The following ZNF483 variants were observed in gnomAD, a reference collection of about 807,000 sequenced individuals.
ZNF483 encodes the protein zinc finger protein 483, also known as zinc finger protein HIT-10.
ZNF483 carries 9 observed loss-of-function variants against 28.6 expected under a neutral mutation model. The ratio of observed to expected loss-of-function variants is 0.32; its 90% CI spans 0.19 to 0.55. The LOEUF (loss-of-function observed/expected upper bound fraction) is 0.55, where lower values mean the gene tolerates loss of function less well. Ranked by LOEUF, ZNF483 falls within the 20% of genes least tolerant of loss-of-function variation. The probability of loss-of-function intolerance (pLI) is 0.93; values close to 1 mark genes in which losing one functional copy is unlikely to be tolerated. For synonymous variants in ZNF483, 322 were observed against 306.2 expected (o/e 1.05, Z -0.54); for missense variants, 675 against 871.7 (o/e 0.77, Z 2.84).
At chr9:111,567,757 T>C (rs1393642810) in intron 5 of ZNF483, among the ~76,000 whole-genome samples, 1 of 152,078 alleles carries the variant, frequency 6.6e-6, no homozygotes, top group African/African-American at 2.4e-5. Flanking sequence ...ACATTGGGAA[T>C]TGTCTATAGG....
Position 111,552,057 on chromosome 9 carries a change from T to C in ZNF483, c.*8887T>C, listed in dbSNP as rs1339118227. ...ACCTGTCTAGCCAGGTCACAAGTTTTTCCCATTTTAGGAGCTTCAAATTTA... is the reference window on the plus strand; with the variant it reads ...ACCTGTCTAGCCAGGTCACAAGTTTCTCCCATTTTAGGAGCTTCAAATTTA... On this transcript the variant is annotated 3_prime_UTR_variant, in exon 6 of 6. Coordinates refer to ENST00000309235, the MANE Select transcript of ZNF483 (RefSeq NM_133464.5). 1.3e-5 allele frequency among the ~76,000 whole-genome samples: 2 copies of C among 152,372 alleles called. No homozygotes were observed. Among genetic ancestry groups the C allele is most frequent in the East Asian group, 3.9e-4 (2 of 5,184 alleles).
In ZNF483 at chr9:111,525,193, A is replaced by G. The variant is rs1052631122; in HGVS notation, c.-198A>G. ...GTGGTTCCCGCAGGCTTGCGCGCGC[A>G]CTCGCTGCGGGACAAGCTTCTGGAA... On this transcript the variant is annotated 5_prime_UTR_variant, in exon 1 of 6. Coordinates refer to ENST00000309235, the MANE Select transcript of ZNF483 (RefSeq NM_133464.5). 1.2e-4 allele frequency: 19 copies of G among 152,202 alleles called. No individual in the cohort carries two copies. Among genetic ancestry groups the G allele is most frequent in the Admixed American group, 1.2e-3 (18 of 15,286 alleles). 9.4% of individuals were successfully genotyped at this position (152,202 alleles called of 1,614,324 possible). A position where few individuals can be genotyped will look rare whatever the true frequency, so the allele number is the denominator to read the frequency against.
Position 111,542,323 on chromosome 9 carries a change from GA to G in ZNF483, c.1389del (p.Glu464LysfsTer43). ...SLTKHRRIHT[G>X]EKPYMCNECG... ...ACCAAACATCGGAGAATTCACACTG[GA>G]GAAAAACCCTATATGTGTAATGAAT... On this transcript the variant is annotated frameshift_variant, in exon 6 of 6. Transcript: ENST00000309235. LOFTEE classifies it low-confidence loss of function (END_TRUNC). This position sits in a 1 kb window ranked among gnomAD's most constrained non-coding sequence, Gnocchi z 6.2. 1 of 1,614,134 alleles carries G rather than the reference GA, an allele frequency of 6.2e-7. No individual in the cohort carries two copies. The highest frequency in any genetic ancestry group is 8.5e-7 in the Non-Finnish European group (1 of 1,180,024).
At chr9:111,534,694 T>C (rs1177089518) in intron 5 of ZNF483, among the ~76,000 whole-genome samples, 4 of 150,374 alleles carry the variant, frequency 2.7e-5, no homozygotes, top group African/African-American at 4.9e-5. Context: ...GTAGGAAAAG[T>C]CTTAGACTAA....
chr9:111,538,310 T>A (rs1178646155), intron 5 of ZNF483, among the ~76,000 whole-genome samples: 1 of 151,182 alleles, frequency 6.6e-6, no homozygotes, highest in Non-Finnish European at 1.5e-5. Flanking sequence ...AAGCCAGGAG[T>A]TTGAGACCAG....
In ZNF483 at chr9:111,545,992, A is replaced by C. The variant is rs1827798267; in HGVS notation, c.*2822A>C. 1.3e-5 allele frequency among the ~76,000 whole-genome samples: 2 copies of C among 152,174 alleles called. No individual in the cohort carries two copies. The highest frequency in any genetic ancestry group is 4.8e-5 in the African/African-American group (2 of 41,452). On this transcript the variant is annotated 3_prime_UTR_variant, in exon 6 of 6. Coordinates refer to ENST00000309235, the MANE Select transcript of ZNF483 (RefSeq NM_133464.5). ...TAGGAAACTGCCAAATTGTTTTCCA[A>C]AGTGACCGCATTATTTTACATTCTG...
At position 111,551,670 on chromosome 9, in the gene ZNF483, G is replaced by A. The variant is rs1310953838; in HGVS notation, c.*8500G>A. 2.0e-5 allele frequency among the ~76,000 whole-genome samples: 3 copies of A among 151,994 alleles called. No homozygotes were observed. Among genetic ancestry groups the A allele is most frequent in the African/African-American group, 4.8e-5 (2 of 41,384 alleles). On this transcript the variant is annotated 3_prime_UTR_variant, in exon 6 of 6. Coordinates refer to ENST00000309235, the MANE Select transcript of ZNF483 (RefSeq NM_133464.5). ...GCCTGTCTCGGCCTCCCAAAGTGCC[G>A]GGATTACAGGTGTGAACCGCCACAC... is the stretch of plus-strand genomic sequence containing the variant.
chr9:111,562,776 G>A (rs928344775), intron 5 of ZNF483: 11 of 242,300 alleles, frequency 4.5e-5, no homozygotes, highest in East Asian at 2.3e-4. Flanking sequence ...AGGCCCCAGC[G>A]TGTGTTGTTC....
rs1026514875 is a variant in ZNF483 at position 111,546,906 on chromosome 9, C to A, written c.*3736C>A. On this transcript the variant is annotated 3_prime_UTR_variant, in exon 6 of 6. Transcript: ENST00000309235. ...TCCTGTCTGTACAAATTTGACTGTT[C>A]TAATTACTTGGTATGAATGGAATCA... is the stretch of plus-strand genomic sequence containing the variant. 6.6e-6 allele frequency among the ~76,000 whole-genome samples: 1 copy of A among 152,134 alleles called. No homozygotes were observed. The highest frequency in any genetic ancestry group is 1.9e-4 in the East Asian group (1 of 5,200).
At chr9:111,528,546 G>A (rs1302518408) in intron 2 of ZNF483, among the ~76,000 whole-genome samples, 1 of 151,936 alleles carries the variant, frequency 6.6e-6, no homozygotes, top group East Asian at 1.9e-4. Flanking sequence ...TCTCAAATTT[G>A]TAGCTATTTA....
At chr9:111,570,039 A>T (rs896984297) in intron 5 of ZNF483, 1 of 1,609,030 alleles carries the variant, frequency 6.2e-7, no homozygotes, top group African/African-American at 1.3e-5. Context: ...TGAGAGGCAA[A>T]GGGAGTGTGA....
intron 3 of ZNF483, among the ~76,000 whole-genome samples, chr9:111,533,022 A>C (rs1481049677): frequency 6.6e-6 from 1 of 152,236 alleles, no homozygotes; most frequent in Non-Finnish European, 1.5e-5. Context: ...TTCTCTGAAT[A>C]TGATGGAAGA....
In ZNF483 at chr9:111,541,999, G is replaced by A. The variant is rs1392883199; in HGVS notation, c.1064G>A (p.Gly355Glu). ...CTGAACCGCAAGGAGAAAACCGCCG[G>A]AGAAAAGTCACGGAAATCTAATGAT... is the stretch of plus-strand genomic sequence containing the variant. ...LVLNRKEKTA[G>E]EKSRKSNDGG... is the part of the protein sequence containing the mutation. Residue 355 changes from glycine (G) to glutamate (E), a missense_variant, in exon 6 of 6, where the codon GGA (glycine) becomes GAA (glutamate). Physicochemically the swap from Gly to Glu is moderately conservative, Grantham distance 98. Transcript: ENST00000309235. 6.2e-7 allele frequency: 1 copy of A among 1,614,038 alleles called. No homozygotes were observed. Among genetic ancestry groups the A allele is most frequent in the South Asian group, 1.1e-5 (1 of 91,076 alleles).
downstream of ZNF483, among the ~76,000 whole-genome samples, chr9:111,558,821 C>T (rs1828195406): frequency 6.6e-6 from 1 of 152,150 alleles, no homozygotes; most frequent in African/African-American, 2.4e-5. Context: ...CAATTCCAAT[C>T]TAACACCACA....
chr9:111,577,168 A>G (rs1266427337), exon 6 of ZNF483: 2 of 152,244 alleles, frequency 1.3e-5, no homozygotes, highest in East Asian at 3.8e-4. Context: ...TATTTCTCCA[A>G]AGAAGATATA....
intron 5 of ZNF483, among the ~76,000 whole-genome samples, chr9:111,565,727 G>C (rs939497968): frequency 6.6e-6 from 1 of 152,022 alleles, no homozygotes; most frequent in Admixed American, 6.6e-5. Flanking sequence ...GTCTCATTAT[G>C]TTGCCAGGGC....
Position 111,541,832 on chromosome 9 carries a change from A to G in ZNF483, c.897A>G (p.Lys299=), listed in dbSNP as rs200618401. The G allele has an allele frequency of 3.7e-6, 6 of 1,614,192 alleles. 1 individual carries two copies. The African/African-American group carries it at 8.0e-5, about 22-fold the overall frequency. Residue 299 remains lysine, a synonymous_variant, in exon 6 of 6, where the codon AAA becomes AAG. Transcript: ENST00000309235. ...TTGGGAGTGGCAGTAGGGGTAAGAA[A>G]TTTGACCCAGATAAAAGCCCCTTTG... is the stretch of plus-strand genomic sequence containing the variant. ...KTLGSGSRGK[K]FDPDKSPFGH...
intron 5 of ZNF483, among the ~76,000 whole-genome samples, chr9:111,569,639 C>T (rs897015403): frequency 1.3e-5 from 2 of 152,150 alleles, no homozygotes; most frequent in African/African-American, 4.8e-5. Context: ...GTGGTACACA[C>T]CTGTAGTCCT....
At chr9:111,531,809 G>A (rs371714225) in intron 3 of ZNF483, among the ~76,000 whole-genome samples, 25 of 152,332 alleles carry the variant, frequency 1.6e-4, no homozygotes, top group East Asian at 9.7e-4. Context: ...AGCCTCATGA[G>A]TAGCTGGGAC....
Sources: allele counts gnomAD v4.1 joint callset (sites outside exome capture counted in the v4.1 genomes callset), GRCh38; gene constraint gnomAD v4.1.1; non-coding constraint Gnocchi (gnomAD v3.1); transcripts MANE v1.5; gene names NCBI Gene and HGNC (gene_info 2026-07-23, HGNC 2026-07-21).